VPS13B: variants seen among roughly 807,000 people sequenced by gnomAD.
VPS13B encodes vacuolar protein sorting 13 homolog B.
Under a neutral mutation model 426.4 loss-of-function variants are expected in VPS13B, and 285 were observed. The observed-to-expected ratio is 0.67, with a 90% CI of 0.61 to 0.74. VPS13B has a LOEUF of 0.74. Among genes scored for constraint, VPS13B ranks in the 30% least tolerant of loss-of-function variants. VPS13B has a pLI of 0.00. For missense variants in VPS13B, 4,537 were observed against 4,782.6 expected, an observed-to-expected ratio of 0.95 and a Z score of 1.51; for synonymous variants, 1,676 against 1,676.4, an observed-to-expected ratio of 1.00 and a Z score of 0.01.
chr8:99,717,396 T>A (rs772402919), intron 37 of VPS13B, 23 bp downstream of exon 37: 1 of 1,601,330 alleles, frequency 6.2e-7, no homozygotes, highest in Admixed American at 1.7e-5. Flanking sequence ...TGGCCATATT[T>A]TTTTCATAGG....
chr8:99,314,435 A>G (rs916571205), intron 19 of VPS13B, among the ~76,000 whole-genome samples: 1 of 152,156 alleles, frequency 6.6e-6, no homozygotes, highest in Non-Finnish European at 1.5e-5. Context: ...TGTAAGGTCC[A>G]TTTAGTCTAA....
intron 39 of VPS13B, among the ~76,000 whole-genome samples, chr8:99,739,107 A>G (rs1361670686): frequency 6.6e-6 from 1 of 152,196 alleles, no homozygotes; most frequent in Non-Finnish European, 1.5e-5. Context: ...CACCTGGAAA[A>G]TCAGGTCACT....
At chr8:99,032,532 C>CTTTTT (rs372714195) in intron 2 of VPS13B, among the ~76,000 whole-genome samples, 2 of 135,652 alleles carry the variant, frequency 1.5e-5, no homozygotes, top group Non-Finnish European at 3.2e-5. Context: ...TCTTTCTTTT[C>CTTTTT]TTTTTTTTTT....
intron 21 of VPS13B, among the ~76,000 whole-genome samples, chr8:99,418,504 TTTCTTTC>T (rs1356524837): frequency 4.1e-5 from 6 of 145,800 alleles, no homozygotes; most frequent in Non-Finnish European, 7.6e-5. Context: ...TCTTTCTTTC[TTTCTTTC>T]TTTCCTTTCT....
At chr8:99,311,844 CTG>C (rs1563661465) in intron 19 of VPS13B, among the ~76,000 whole-genome samples, 1 of 152,152 alleles carries the variant, frequency 6.6e-6, no homozygotes, top group East Asian at 1.9e-4. Context: ...CTTTATGAAT[CTG>C]TGTGCTCCTG....
rs1479745735 is a variant in VPS13B, at chr8:99,642,371, G to T, written c.5781G>T (p.Glu1927Asp). The change falls in exon 34 of 62, where the codon GAG becomes GAT. Residue 1927 changes from glutamate to aspartate, a missense_variant. This residue lies in a region of VPS13B where 4,311 missense variants were observed against 4,474.3 expected (regional missense o/e 0.96). Coordinates refer to ENST00000357162, the MANE Select transcript of VPS13B (RefSeq NM_152564.5). The stretch of plus-strand genomic sequence containing the variant: ...GAGGAACTGGTGACTTACAGCTAGA[G>T]CCTTTTCTGTACTTTATTGTGTCCC... Reference protein sequence around the residue: ...GRRGTGDLQLEPFLYFIVSQP... With the variant: ...GRRGTGDLQLDPFLYFIVSQP... The T allele has an allele frequency of 9.3e-6, 15 of 1,614,028 alleles. No homozygotes were observed. Among genetic ancestry groups the T allele is most frequent in the Admixed American group, 8.3e-5 (5 of 59,982 alleles).
In VPS13B at chr8:99,509,067, A is replaced by C. The variant is rs554758173; in HGVS notation, c.4224+1864A>C. Among the ~76,000 whole-genome samples the C allele has an allele frequency of 1.3e-4, 20 of 152,268 alleles. No homozygotes were observed. The South Asian group carries it at 4.1e-3, about 32-fold the overall frequency. On this transcript the variant is annotated intron_variant, in intron 28 of 61. Transcript: ENST00000357162. ...TATTAATAAAGATTTATTATGAGTT[A>C]GATTTTTTTAGATTAGTGGTCAGTA...
chr8:99,179,595 A>G (rs1415923950), intron 16 of VPS13B, among the ~76,000 whole-genome samples: 1 of 152,186 alleles, frequency 6.6e-6, no homozygotes, highest in Non-Finnish European at 1.5e-5. Flanking sequence ...CTTCCCCTCT[A>G]AAATATGCTT....
intron 30 of VPS13B, among the ~76,000 whole-genome samples, chr8:99,538,353 TC>T (rs1393923707): frequency 2.0e-5 from 3 of 152,190 alleles, no homozygotes; most frequent in Admixed American, 6.5e-5. Flanking sequence ...AAAAGTAGGT[TC>T]TTTATTCTTT....
chr8:99,647,230 G>A (rs1829613319), intron 34 of VPS13B, among the ~76,000 whole-genome samples: 1 of 151,934 alleles, frequency 6.6e-6, no homozygotes, highest in African/African-American at 2.4e-5. Context: ...CCTTTATATA[G>A]AAATCATATA....
chr8:99,110,433 A>G (rs559798268), intron 5 of VPS13B, among the ~76,000 whole-genome samples: 1 of 152,032 alleles, frequency 6.6e-6, no homozygotes, highest in South Asian at 2.1e-4. Flanking sequence ...CTAGAGTGTT[A>G]TTGGTGATTT....
intron 39 of VPS13B, among the ~76,000 whole-genome samples, chr8:99,745,917 T>A (rs186841681): frequency 3.9e-5 from 6 of 152,260 alleles, no homozygotes; most frequent in Admixed American, 1.3e-4. Flanking sequence ...TATCTATATT[T>A]TTCCCCTATT....
chr8:99,337,909 GT>G (rs988853104), intron 19 of VPS13B, among the ~76,000 whole-genome samples: 10 of 149,710 alleles, frequency 6.7e-5, no homozygotes, highest in Admixed American at 2.0e-4. Flanking sequence ...TCAAGTTTTT[GT>G]TTTTTTTTTC....
intron 35 of VPS13B, among the ~76,000 whole-genome samples, chr8:99,676,851 T>C (rs1289655660): frequency 6.6e-6 from 1 of 152,062 alleles, no homozygotes; most frequent in Non-Finnish European, 1.5e-5. Context: ...AATTTTGGGC[T>C]GGGTGCAGAG....
chr8:99,427,444 T>C (rs1288446214), intron 21 of VPS13B, among the ~76,000 whole-genome samples: 1 of 151,112 alleles, frequency 6.6e-6, no homozygotes, highest in Non-Finnish European at 1.5e-5. Context: ...TTTCCAATTC[T>C]GTGAAGAAAG....
chr8:99,540,951 C>T (rs1489212000), intron 30 of VPS13B, among the ~76,000 whole-genome samples: 1 of 152,052 alleles, frequency 6.6e-6, no homozygotes, highest in Non-Finnish European at 1.5e-5. Flanking sequence ...TATAGAAGCA[C>T]AAATACTAAG....
chr8:99,489,105 T>G (rs1820456494), intron 25 of VPS13B, among the ~76,000 whole-genome samples: 1 of 152,204 alleles, frequency 6.6e-6, no homozygotes, highest in South Asian at 2.1e-4. Context: ...TACATATGGC[T>G]AGCCAGTTTT....
chr8:99,827,632 A>AT (rs1202526022), intron 51 of VPS13B, among the ~76,000 whole-genome samples: 5 of 149,506 alleles, frequency 3.3e-5, no homozygotes, highest in Non-Finnish European at 7.4e-5. Context: ...TAGCTTTTGA[A>AT]TTTTTTTGCT....
chr8:99,364,778 G>A (rs957896707), intron 19 of VPS13B, among the ~76,000 whole-genome samples: 4 of 151,950 alleles, frequency 2.6e-5, no homozygotes, highest in Non-Finnish European at 5.9e-5. Flanking sequence ...TTGGGATCAG[G>A]GTAATACTTG....
Sources: gnomAD v4.1 joint callset for allele counts (sites outside exome capture counted in the v4.1 genomes callset) on GRCh38, gnomAD v4.1.1 for gene constraint, gnomAD v4.1.1 regional missense constraint, MANE v1.5 for transcripts, NCBI Gene and HGNC (gene_info 2026-07-23, HGNC 2026-07-21) for gene names.